Variants in PHF2 observed in about 807,000 individuals in gnomAD.
PHF2 encodes PHD finger protein 2.
Under a neutral mutation model 120.5 loss-of-function variants are expected in PHF2, and 27 were observed. That is an observed-to-expected ratio of 0.22 (90% CI 0.17 to 0.31). The LOEUF is 0.31. PHF2 is among the 10% of genes least tolerant of loss of function. The pLI is 1.00. For missense variants in PHF2, 1,024 were observed against 1,434.8 expected (o/e 0.71, Z 4.63); for synonymous variants, 568 against 592.5 (o/e 0.96, Z 0.60).
Position 93,678,225 on chromosome 9 carries a change from C to T in PHF2, c.*549C>T, listed in dbSNP as rs932899725. The T allele has an allele frequency of 2.0e-5, 3 of 152,568 alleles. No homozygotes were observed. Among genetic ancestry groups the T allele is most frequent in the African/African-American group, 7.2e-5 (3 of 41,470 alleles). 9.5% of individuals were successfully genotyped at this position (152,568 alleles called of 1,614,324 possible). On this transcript the variant is annotated 3_prime_UTR_variant, in exon 22 of 22. Coordinates refer to ENST00000359246, the MANE Select transcript of PHF2 (RefSeq NM_005392.4). ...CTCGGCGGGTGAGGAAGGGTCTGCC[C>T]CGAGCTTTCTGGTTGGCAGGTGGCA...
chr9:93,604,055 G>A (rs758531551), intron 1 of PHF2, among the ~76,000 whole-genome samples: 1 of 152,178 alleles, frequency 6.6e-6, no homozygotes, highest in Non-Finnish European at 1.5e-5. Flanking sequence ...CTGCTGAGTT[G>A]GGCAGAGTCC....
chr9:93,627,739 T>C (rs1213074870), intron 1 of PHF2, among the ~76,000 whole-genome samples: 2 of 152,220 alleles, frequency 1.3e-5, no homozygotes, highest in African/African-American at 4.8e-5. Flanking sequence ...GTGCTTTTTC[T>C]GTATCAATTG....
intron 5 of PHF2, among the ~76,000 whole-genome samples, chr9:93,651,292 G>T (rs755380729): frequency 6.6e-6 from 1 of 152,162 alleles, no homozygotes; most frequent in Non-Finnish European, 1.5e-5. Flanking sequence ...TTCTCACAGA[G>T]AGATGTCTAG....
At position 93,662,921 on chromosome 9, in the gene PHF2, C is replaced by T. The variant is rs768356650; in HGVS notation, c.1713C>T (p.Val571=). Residue 571 remains valine (V), a synonymous_variant, in exon 13 of 22, where the codon GTC becomes GTT. Coordinates refer to ENST00000359246, the MANE Select transcript of PHF2 (RefSeq NM_005392.4). Reference sequence around the variant, plus strand: ...CTTTTTTCTAGGCCACAAAGAGTGTCCTGAGTGTGCCCAACAAAGATGTGG... The same window carrying T: ...CTTTTTTCTAGGCCACAAAGAGTGTTCTGAGTGTGCCCAACAAAGATGTGG... The part of the protein sequence containing the change: ...PPKKGKATKS[V]LSVPNKDVVH... The T allele has an allele frequency of 3.7e-6, 6 of 1,614,030 alleles. No individual in the cohort carries two copies. In the East Asian group the frequency reaches 1.3e-4, roughly 36 times the overall value.
At chr9:93,636,650 G>A in intron 3 of PHF2, 125 bp downstream of exon 3, 2 of 759,788 alleles carry the variant, frequency 2.6e-6, no homozygotes. Context: ...CAGGAAGCAG[G>A]AAGCCTGTCT....
intron 1 of PHF2, among the ~76,000 whole-genome samples, chr9:93,601,485 T>A (rs1825437231): frequency 6.6e-6 from 1 of 152,152 alleles, no homozygotes; most frequent in South Asian, 2.1e-4. Flanking sequence ...TGTCTTTATT[T>A]GATAAATAAA....
At chr9:93,641,234 A>G (rs1435758345) in intron 3 of PHF2, among the ~76,000 whole-genome samples, 1 of 152,202 alleles carries the variant, frequency 6.6e-6, no homozygotes, top group Non-Finnish European at 1.5e-5. Flanking sequence ...AGGGGAGCAG[A>G]CTTTTGTTAT....
At chr9:93,673,945 G>A (rs1826858305) in intron 18 of PHF2, 83 bp downstream of exon 18, 2 of 1,417,072 alleles carry the variant, frequency 1.4e-6, no homozygotes, top group Non-Finnish European at 1.9e-6. Flanking sequence ...GCATAAACAT[G>A]CAGCTCTCCA....
rs772747030 is a variant in PHF2, at chr9:93,676,716, T to TGCCTCC, written c.2955_2956insGCCTCC (p.Ala984_Ser985dup). ...CCTCCACCTCCACCACGCCAGCCTC[T>TGCCTCC]ACCACCCCGGCCTCCACCACCCCGG... On this transcript the variant is annotated inframe_insertion, in exon 21 of 22. Coordinates refer to ENST00000359246, the MANE Select transcript of PHF2 (RefSeq NM_005392.4). 2.1e-5 allele frequency: 11 copies of TGCCTCC among 515,930 alleles called. No individual in the cohort carries two copies. Among genetic ancestry groups the TGCCTCC allele is most frequent in the South Asian group, 1.9e-4 (11 of 59,142 alleles). The allele number at this position is 515,930 out of a possible 1,614,324, so 32.0% of individuals were successfully genotyped here.
intron 2 of PHF2, among the ~76,000 whole-genome samples, chr9:93,633,274 C>T (rs539094594): frequency 6.6e-6 from 1 of 152,252 alleles, no homozygotes; most frequent in East Asian, 1.9e-4. Context: ...GGCCTGTGGG[C>T]AGGGGCCATA....
chr9:93,647,735 C>G (rs1426687794), intron 4 of PHF2, among the ~76,000 whole-genome samples: 1 of 152,114 alleles, frequency 6.6e-6, no homozygotes, highest in African/African-American at 2.4e-5. Flanking sequence ...ACTAAAAATA[C>G]AGAAATTAGC....
chr9:93,581,401 T>C (rs1178780337), intron 1 of PHF2, among the ~76,000 whole-genome samples: 1 of 152,136 alleles, frequency 6.6e-6, no homozygotes, highest in Non-Finnish European at 1.5e-5. Context: ...GAACCTCAAA[T>C]GCCGGGGAGT....
At chr9:93,671,140 A>C in intron 17 of PHF2, 1 of 981,252 alleles carries the variant, frequency 1.0e-6, no homozygotes, top group Non-Finnish European at 1.2e-6. Flanking sequence ...GTGTAGGTGC[A>C]GATGCAGGTG....
At chr9:93,582,552 A>G (rs1459499032) in intron 1 of PHF2, among the ~76,000 whole-genome samples, 2 of 152,130 alleles carry the variant, frequency 1.3e-5, no homozygotes, top group African/African-American at 4.8e-5. Flanking sequence ...GCTCTGTGGC[A>G]GGTAGGTGGC....
At chr9:93,644,492 G>A (rs1482238354) in intron 3 of PHF2, among the ~76,000 whole-genome samples, 1 of 152,074 alleles carries the variant, frequency 6.6e-6, no homozygotes, top group African/African-American at 2.4e-5. Context: ...CTCCAGCTGC[G>A]GCTCCTGTCA....
intron 17 of PHF2, among the ~76,000 whole-genome samples, chr9:93,669,796 G>A (rs1355579886): frequency 2.0e-5 from 3 of 152,188 alleles, no homozygotes; most frequent in Non-Finnish European, 2.9e-5. Context: ...TCCCTGTCCT[G>A]CTGTAGCAGA....
intron 1 of PHF2, among the ~76,000 whole-genome samples, chr9:93,596,050 G>A (rs1182075713): frequency 2.0e-5 from 3 of 152,152 alleles, no homozygotes; most frequent in Admixed American, 6.5e-5. Context: ...CTGCCCTCCC[G>A]GCTCCACTGC....
intron 1 of PHF2, among the ~76,000 whole-genome samples, chr9:93,593,084 C>CAAAAAAA (rs200919035): frequency 3.6e-5 from 3 of 83,378 alleles, no homozygotes; most frequent in African/African-American, 5.6e-5. Flanking sequence ...TCCTTTATGC[C>CAAAAAAA]AAAAAAAAAA....
intron 1 of PHF2, among the ~76,000 whole-genome samples, chr9:93,614,415 A>C (rs1369868086): frequency 6.6e-6 from 1 of 152,050 alleles, no homozygotes; most frequent in Non-Finnish European, 1.5e-5. Flanking sequence ...GTTCCCAGCT[A>C]GCTTCTGTTC....
Sources: gnomAD v4.1 joint callset for allele counts (sites outside exome capture counted in the v4.1 genomes callset) on GRCh38, gnomAD v4.1.1 for gene constraint, MANE v1.5 for transcripts, NCBI Gene and HGNC (gene_info 2026-07-23, HGNC 2026-07-21) for gene names.